SNTG1: variants seen among roughly 807,000 people sequenced by gnomAD.
The protein encoded by SNTG1 is syntrophin gamma 1.
A neutral mutation model predicts 74.7 loss-of-function variants in SNTG1; 39 were observed. The ratio of observed to expected loss-of-function variants is 0.52; its 90% CI spans 0.40 to 0.68. The LOEUF (loss-of-function observed/expected upper bound fraction) is 0.68, where lower values mean the gene tolerates loss of function less well. Ranked by LOEUF, SNTG1 falls within the 30% of genes least tolerant of loss-of-function variation. SNTG1 has a pLI of 0.00. For synonymous variants in SNTG1, 254 were observed against 217.1 expected, an observed-to-expected ratio of 1.17 and a Z score of -1.49; for missense variants, 685 against 609.5, an observed-to-expected ratio of 1.12 and a Z score of -1.30.
At chr8:50,752,830 C>T (rs953026394) in intron 18 of SNTG1, among the ~76,000 whole-genome samples, 2 of 151,954 alleles carry the variant, frequency 1.3e-5, no homozygotes, top group Non-Finnish European at 2.9e-5. Flanking sequence ...TTAGATTAGA[C>T]ACTCTCCTTC....
intron 2 of SNTG1, among the ~76,000 whole-genome samples, chr8:50,305,531 T>C (rs750794771): frequency 0.053 from 4,640 of 88,066 alleles, 96 homozygotes; most frequent in Non-Finnish European, 0.076. Flanking sequence ...CTTATGTGTG[T>C]GTGTGTGTGT....
At chr8:50,692,621 A>G (rs1007326933) in intron 15 of SNTG1, among the ~76,000 whole-genome samples, 3 of 152,114 alleles carry the variant, frequency 2.0e-5, no homozygotes, top group Non-Finnish European at 4.4e-5. Context: ...GTTTTGTCTC[A>G]GAGGAGTACC....
At chr8:50,181,210 T>C (rs2083194250) in intron 2 of SNTG1, among the ~76,000 whole-genome samples, 1 of 152,208 alleles carries the variant, frequency 6.6e-6, no homozygotes, top group African/African-American at 2.4e-5. Context: ...TTAGTTAACT[T>C]AATCTGACTC....
At chr8:50,688,548 T>C (rs1462531752) in intron 15 of SNTG1, among the ~76,000 whole-genome samples, 11 of 152,216 alleles carry the variant, frequency 7.2e-5, no homozygotes, top group Non-Finnish European at 1.2e-4. Context: ...GTCAGGTTTG[T>C]CAAAGATCAG....
Position 49,943,802 on chromosome 8 carries a change from T to C in SNTG1, c.-103+31571T>C, listed in dbSNP as rs538600715. 5.9e-5 allele frequency among the ~76,000 whole-genome samples: 9 copies of C among 152,376 alleles called. No homozygotes were observed. In the East Asian group the frequency reaches 1.7e-3, roughly 29 times the overall value. On this transcript the variant is annotated intron_variant, in intron 1 of 18. Transcript: ENST00000642720. ...CAAACTTTTATATCACAATGTATTG[T>C]ATTTGCATTTTATTTCCATTTTAAT...
Position 50,176,768 on chromosome 8 carries a change from T to G in SNTG1, c.-28+4133T>G, listed in dbSNP as rs562163499. Reference sequence around the variant, plus strand: ...GAAGGGAACATTTCTGTAGCTCCATTTTGTTCATTTCAAAGACTCTCTTAG... The same window carrying G: ...GAAGGGAACATTTCTGTAGCTCCATGTTGTTCATTTCAAAGACTCTCTTAG... On this transcript the variant is annotated intron_variant, in intron 2 of 18. Transcript: ENST00000642720. Among the ~76,000 whole-genome samples, 8 of 152,322 alleles carry G rather than the reference T, an allele frequency of 5.3e-5. No homozygotes were observed. In the South Asian group the frequency reaches 1.7e-3, roughly 32 times the overall value.
At chr8:50,515,931 G>A (rs2094129954) in intron 9 of SNTG1, among the ~76,000 whole-genome samples, 1 of 152,166 alleles carries the variant, frequency 6.6e-6, no homozygotes, top group Non-Finnish European at 1.5e-5. Flanking sequence ...TCCCAGCACA[G>A]AGTGCAAGCT....
intron 2 of SNTG1, among the ~76,000 whole-genome samples, chr8:50,255,868 T>C (rs2086856445): frequency 6.6e-6 from 1 of 151,958 alleles, no homozygotes; most frequent in Non-Finnish European, 1.5e-5. Flanking sequence ...CCATGCAGTC[T>C]GTAACATCAT....
chr8:50,542,423 T>C (rs1843005), intron 11 of SNTG1, among the ~76,000 whole-genome samples: 57,580 of 151,832 alleles, frequency 0.38, 13,997 homozygotes, highest in African/African-American at 0.7. Context: ...TCCTAAAGTG[T>C]TAGGATTAAA....
chr8:50,381,978 G>A (rs1272386683), intron 2 of SNTG1: 5 of 151,460 alleles, frequency 3.3e-5, no homozygotes, highest in African/African-American at 1.2e-4. Context: ...TCTGATGTCT[G>A]AGGGCAGGAA....
At chr8:50,769,684 C>A (rs1036171488) in intron 18 of SNTG1, among the ~76,000 whole-genome samples, 1 of 152,004 alleles carries the variant, frequency 6.6e-6, no homozygotes, top group Non-Finnish European at 1.5e-5. Flanking sequence ...TAACTGCATT[C>A]ATCATGCCAC....
chr8:50,689,294 A>G (rs960190890), intron 15 of SNTG1, among the ~76,000 whole-genome samples: 3 of 152,166 alleles, frequency 2.0e-5, no homozygotes, highest in African/African-American at 7.2e-5. Context: ...TATGTTGAAT[A>G]GGAGTGGTGA....
chr8:50,461,024 A>G lies in SNTG1; in HGVS notation c.363+10295A>G, dbSNP rs1225903786. ...TTTTTTTTTCCTCTTACAGGATCCC[A>G]TCAGAATACACATTGCATTTAGTAG... On this transcript the variant is annotated intron_variant, in intron 8 of 18. Coordinates refer to ENST00000642720, the MANE Select transcript of SNTG1 (RefSeq NM_018967.5). Among the ~76,000 whole-genome samples, 3 of 151,928 alleles carry G rather than the reference A, an allele frequency of 2.0e-5. No individual in the cohort carries two copies. The East Asian group carries it at 5.8e-4, about 29-fold the overall frequency.
At position 49,947,038 on chromosome 8, in the gene SNTG1, G is replaced by A. The variant is rs142047939; in HGVS notation, c.-103+34807G>A. ...ATTTTGGCCAAGTGTGGTGGCTCATGCCTGTAATCCCAGCACTTTGGGAGG... is the reference window on the plus strand; with the variant it reads ...ATTTTGGCCAAGTGTGGTGGCTCATACCTGTAATCCCAGCACTTTGGGAGG... On this transcript the variant is annotated intron_variant, in intron 1 of 18. Coordinates refer to ENST00000642720, the MANE Select transcript of SNTG1 (RefSeq NM_018967.5). Among the ~76,000 whole-genome samples, 227 of 152,284 alleles carry A rather than the reference G, an allele frequency of 1.5e-3. 5 individuals are homozygous for A. The East Asian group carries it at 0.041, about 28-fold the overall frequency.
At chr8:50,784,598 A>G (rs1209612570) in intron 18 of SNTG1, among the ~76,000 whole-genome samples, 2 of 152,206 alleles carry the variant, frequency 1.3e-5, no homozygotes, top group African/African-American at 4.8e-5. Context: ...TGTAGACATC[A>G]GTACCCCACT....
chr8:50,729,461 G>T (rs914788622), intron 17 of SNTG1, among the ~76,000 whole-genome samples: 2 of 152,072 alleles, frequency 1.3e-5, no homozygotes, highest in African/African-American at 4.8e-5. Context: ...TTTCACACAG[G>T]TTCTTTCTTT....
At chr8:50,709,283 A>AAATAATTTAT (rs1321471432) in intron 17 of SNTG1, 4 of 370,842 alleles carry the variant, frequency 1.1e-5, no homozygotes, top group African/African-American at 8.3e-5. Flanking sequence ...AATTGAAGGG[A>AAATAATTTAT]CATTTTCTTC....
chr8:50,468,206 T>C (rs781104388), intron 8 of SNTG1, among the ~76,000 whole-genome samples: 1 of 152,048 alleles, frequency 6.6e-6, no homozygotes, highest in Non-Finnish European at 1.5e-5. Context: ...GCTTGAACTA[T>C]CAGTTTTTGA....
chr8:50,504,331 A>T (rs1458372253), intron 9 of SNTG1, among the ~76,000 whole-genome samples: 1 of 152,142 alleles, frequency 6.6e-6, no homozygotes, highest in Non-Finnish European at 1.5e-5. Flanking sequence ...TTTATAATAG[A>T]ATGATTTATA....
Sources: gnomAD v4.1 joint callset for allele counts (sites outside exome capture counted in the v4.1 genomes callset) on GRCh38, gnomAD v4.1.1 for gene constraint, MANE v1.5 for transcripts, NCBI Gene and HGNC (gene_info 2026-07-23, HGNC 2026-07-21) for gene names.